Variants in KANK1 observed in about 807,000 individuals in gnomAD.
KANK1 encodes KN motif and ankyrin repeat domain-containing protein 1.
KANK1 carries 109 observed loss-of-function variants against 106.2 expected under a neutral mutation model. The observed-to-expected ratio is 1.03, with a 90% CI of 0.88 to 1.20. The LOEUF (loss-of-function observed/expected upper bound fraction) is 1.20, where lower values mean the gene tolerates loss of function less well. Among genes scored for constraint, KANK1 ranks in the 50% most tolerant of loss-of-function variants. KANK1 has a pLI of 0.00. For synonymous variants in KANK1, 873 were observed against 652.2 expected, an observed-to-expected ratio of 1.34 and a Z score of -5.16; for missense variants, 2,399 against 1,710.7, an observed-to-expected ratio of 1.40 and a Z score of -7.10.
chr9:593,320 AACAT>A (rs1458754063), intron 1 of KANK1, among the ~76,000 whole-genome samples: 1 of 151,884 alleles, frequency 6.6e-6, no homozygotes, highest in Non-Finnish European at 1.5e-5. Context: ...CAAACAATAA[AACAT>A]ACAGACAAAA....
intron 2 of KANK1, among the ~76,000 whole-genome samples, chr9:695,808 A>C (rs1213816228): frequency 6.6e-6 from 1 of 152,160 alleles, no homozygotes; most frequent in African/African-American, 2.4e-5. Context: ...TAATTTGCCG[A>C]CAGCTGCAAA....
chr9:618,433 C>T (rs1832372758), intron 1 of KANK1, among the ~76,000 whole-genome samples: 1 of 152,112 alleles, frequency 6.6e-6, no homozygotes, highest in Non-Finnish European at 1.5e-5. Context: ...GTCTGAAACT[C>T]CTGACCTGAA....
chr9:741,505 T>TTTTA (rs1835501181), intron 9 of KANK1, among the ~76,000 whole-genome samples: 1 of 126,396 alleles, frequency 7.9e-6, no homozygotes, highest in African/African-American at 3.1e-5. Context: ...TTTTTTTTTT[T>TTTTA]GAGACTAAGT....
At chr9:583,648 C>T (rs1291600393) in intron 1 of KANK1, among the ~76,000 whole-genome samples, 4 of 150,992 alleles carry the variant, frequency 2.6e-5, no homozygotes, top group African/African-American at 9.7e-5. Context: ...ATACTGTTTT[C>T]TCTCCATTAT....
intron 1 of KANK1, among the ~76,000 whole-genome samples, chr9:552,211 A>G (rs949896872): frequency 1.3e-5 from 2 of 152,194 alleles, no homozygotes; most frequent in African/African-American, 2.4e-5. Flanking sequence ...GAAATAGCAT[A>G]TGCAGACACC....
At position 558,071 on chromosome 9, in the gene KANK1, A is replaced by G. The variant is rs575160328; in HGVS notation, c.-84+53317A>G. On this transcript the variant is annotated intron_variant, in intron 1 of 11. Coordinates refer to ENST00000382297, the MANE Select transcript of KANK1 (RefSeq NM_015158.5). ...CAAGGAACCCAGGAGTGAAGATCGG[A>G]TTAGTCAGATGCTGTGAGAGGAGGT... 1.2e-4 allele frequency among the ~76,000 whole-genome samples: 18 copies of G among 152,312 alleles called. No homozygotes were observed. In the South Asian group the frequency reaches 3.3e-3, roughly 28 times the overall value.
At chr9:679,171 G>A (rs1198291404) in intron 2 of KANK1, among the ~76,000 whole-genome samples, 5 of 152,102 alleles carry the variant, frequency 3.3e-5, no homozygotes, top group African/African-American at 2.4e-5. Context: ...AGTATGAATT[G>A]TTACTGCAGA....
intron 2 of KANK1, among the ~76,000 whole-genome samples, chr9:703,358 T>C (rs973984712): frequency 3.3e-5 from 5 of 152,148 alleles, no homozygotes; most frequent in Non-Finnish European, 7.4e-5. Flanking sequence ...TAGTCATCTC[T>C]CAGCTAGACT....
chr9:699,384 A>C (rs1192241954), intron 2 of KANK1, among the ~76,000 whole-genome samples: 4 of 152,192 alleles, frequency 2.6e-5, no homozygotes. Flanking sequence ...TCCATCTTTC[A>C]GTGTAACAAC....
chr9:554,052 G>A (rs571234212), intron 1 of KANK1, among the ~76,000 whole-genome samples: 4 of 152,268 alleles, frequency 2.6e-5, no homozygotes, highest in Non-Finnish European at 5.9e-5. Context: ...CCAGCTGTAT[G>A]AGGGTTCTCC....
At chr9:658,481 G>C (rs931717499) in intron 1 of KANK1, among the ~76,000 whole-genome samples, 2 of 151,906 alleles carry the variant, frequency 1.3e-5, no homozygotes, top group African/African-American at 2.4e-5. Context: ...GAAAAAAAAA[G>C]ATTGTAATTT....
chr9:741,487 C>CTTTTT (rs71314737), intron 9 of KANK1, among the ~76,000 whole-genome samples: 2 of 109,540 alleles, frequency 1.8e-5, no homozygotes, highest in African/African-American at 6.4e-5. Context: ...CCACACCTGG[C>CTTTTT]TTTTTTTTTT....
In KANK1 at chr9:712,686, C is replaced by A; in HGVS notation, c.1920C>A (p.Cys640Ter). The change falls in exon 3 of 12, where the codon TGC becomes TGA. Residue 640 changes from cysteine to a stop codon, truncating the protein, a stop_gained. Transcript: ENST00000382297. LOFTEE classifies it high-confidence loss of function. ...CGDCSVDVTV[C>*]SPKECASRGV... is the part of the protein sequence containing the mutation. Reference sequence around the variant, plus strand: ...ATTGTTCTGTTGACGTGACCGTCTGCTCTCCAAAGGAGTGCGCCTCCCGGG... The same window carrying A: ...ATTGTTCTGTTGACGTGACCGTCTGATCTCCAAAGGAGTGCGCCTCCCGGG... The A allele has an allele frequency of 3.7e-6, 6 of 1,614,150 alleles. No individual in the cohort carries two copies. The highest frequency in any genetic ancestry group is 5.1e-6 in the Non-Finnish European group (6 of 1,180,010).
intron 1 of KANK1, among the ~76,000 whole-genome samples, chr9:671,754 C>G (rs180823612): frequency 6.6e-6 from 1 of 151,946 alleles, no homozygotes; most frequent in Admixed American, 6.6e-5. Flanking sequence ...ATTATACCAG[C>G]CTGGCCAACA....
chr9:684,251 A>C (rs1410089216), intron 2 of KANK1: 2 of 985,420 alleles, frequency 2.0e-6, no homozygotes, highest in Non-Finnish European at 2.4e-6. Context: ...CAGCTAAGCC[A>C]AGAAAGGATG....
chr9:721,331 A>G (rs568346397), intron 3 of KANK1, among the ~76,000 whole-genome samples: 2 of 152,314 alleles, frequency 1.3e-5, no homozygotes, highest in East Asian at 1.9e-4. Context: ...TGCAGGCACA[A>G]ATAAATTCTT....
At chr9:579,117 C>A (rs1452251504) in intron 1 of KANK1, among the ~76,000 whole-genome samples, 3 of 152,158 alleles carry the variant, frequency 2.0e-5, no homozygotes, top group Non-Finnish European at 2.9e-5. Flanking sequence ...AGGGAAGGCA[C>A]ACTGAAGCTG....
intron 1 of KANK1, among the ~76,000 whole-genome samples, chr9:507,521 C>G (rs564387446): frequency 1.1e-4 from 17 of 151,748 alleles, no homozygotes; most frequent in African/African-American, 3.9e-4. Context: ...TCCCAAGTAG[C>G]TGGGATTACA....
chr9:744,868 CCT>C (rs1836785227), intron 11 of KANK1: 2 of 1,412,244 alleles, frequency 1.4e-6, no homozygotes, highest in South Asian at 3.1e-5. Context: ...GATAGCAGCC[CCT>C]GAGCCCATGG....
Sources: allele counts gnomAD v4.1 joint callset (sites outside exome capture counted in the v4.1 genomes callset), GRCh38; gene constraint gnomAD v4.1.1; transcripts MANE v1.5; gene names NCBI Gene and HGNC (gene_info 2026-07-23, HGNC 2026-07-21).